Variants in GRXCR1 observed in about 807,000 individuals in gnomAD.
GRXCR1 encodes glutaredoxin domain-containing cysteine-rich protein 1.
Under a neutral mutation model 27.3 loss-of-function variants are expected in GRXCR1, and 27 were observed. The ratio of observed to expected loss-of-function variants is 0.99; its 90% CI spans 0.73 to 1.37. The LOEUF (loss-of-function observed/expected upper bound fraction) is 1.37, where lower values mean the gene tolerates loss of function less well. Ranked by LOEUF, GRXCR1 falls within the 40% of genes most tolerant of loss-of-function variation. GRXCR1 has a pLI of 0.00. For missense variants in GRXCR1, 379 were observed against 354.4 expected, an observed-to-expected ratio of 1.07 and a Z score of -0.56; for synonymous variants, 122 against 131.1, an observed-to-expected ratio of 0.93 and a Z score of 0.47.
chr4:43,020,476 T>G, intron 3 of GRXCR1, 57 bp downstream of exon 3: 1 of 1,083,916 alleles, frequency 9.2e-7, no homozygotes, highest in Non-Finnish European at 1.4e-6. Context: ...CACATTCTGA[T>G]TATAATTGAG....
At chr4:43,007,333 G>A (rs1381186374) in intron 2 of GRXCR1, among the ~76,000 whole-genome samples, 2 of 152,164 alleles carry the variant, frequency 1.3e-5, no homozygotes, top group Non-Finnish European at 2.9e-5. Flanking sequence ...AGACCTTCAT[G>A]AACATCAGAC....
intron 1 of GRXCR1, among the ~76,000 whole-genome samples, chr4:42,932,851 T>C (rs1747362073): frequency 6.6e-6 from 1 of 151,348 alleles, no homozygotes; most frequent in African/African-American, 2.4e-5. Flanking sequence ...TTGGCAGTAG[T>C]TGGGAGAATG....
chr4:42,940,429 C>A (rs1039114991), intron 1 of GRXCR1, among the ~76,000 whole-genome samples: 1 of 152,028 alleles, frequency 6.6e-6, no homozygotes, highest in African/African-American at 2.4e-5. Context: ...GACTAATTTT[C>A]AGTATTGTCT....
chr4:42,998,146 T>G (rs1712235555), intron 2 of GRXCR1, among the ~76,000 whole-genome samples: 1 of 152,158 alleles, frequency 6.6e-6, no homozygotes, highest in African/African-American at 2.4e-5. Context: ...AGCCAACATT[T>G]CACAGCCAGG....
chr4:42,897,921 C>CTATTAT (rs3075913), intron 1 of GRXCR1, among the ~76,000 whole-genome samples: 256 of 127,060 alleles, frequency 2.0e-3, no homozygotes, highest in African/African-American at 5.9e-3. Flanking sequence ...AAAGTTATTA[C>CTATTAT]TATTATTATT....
At chr4:43,016,525 C>G (rs995020981) in intron 2 of GRXCR1, among the ~76,000 whole-genome samples, 6 of 152,050 alleles carry the variant, frequency 3.9e-5, no homozygotes, top group African/African-American at 1.5e-4. Context: ...CCCTTTTGTA[C>G]TATTTTCAAC....
chr4:42,987,215 ATATATAT>A (rs1368046534), intron 2 of GRXCR1, among the ~76,000 whole-genome samples: 4 of 31,286 alleles, frequency 1.3e-4, no homozygotes, highest in African/African-American at 1.7e-4. Flanking sequence ...TATATATTAT[ATATATAT>A]TATATATTAT....
At chr4:42,907,508 A>G (rs1320128841) in intron 1 of GRXCR1, among the ~76,000 whole-genome samples, 4 of 151,998 alleles carry the variant, frequency 2.6e-5, no homozygotes, top group Non-Finnish European at 5.9e-5. Context: ...GTTGCACTGT[A>G]TTTTCAGTCC....
At chr4:42,933,125 G>A (rs1747370043) in intron 1 of GRXCR1, among the ~76,000 whole-genome samples, 1 of 151,894 alleles carries the variant, frequency 6.6e-6, no homozygotes, top group African/African-American at 2.4e-5. Context: ...GGCATGGTGA[G>A]AAATTACTAA....
At position 42,937,131 on chromosome 4, in the gene GRXCR1, A is replaced by G. The variant is rs555967448; in HGVS notation, c.385-25761A>G. Reference sequence around the variant, plus strand: ...TCCTTATTTATTTATTCAATCATTTATGTATATCAGTGTGGACTCATAGGT... The same window carrying G: ...TCCTTATTTATTTATTCAATCATTTGTGTATATCAGTGTGGACTCATAGGT... On this transcript the variant is annotated intron_variant, in intron 1 of 3. Coordinates refer to ENST00000399770, the MANE Select transcript of GRXCR1 (RefSeq NM_001080476.3). Among the ~76,000 whole-genome samples, 237 of 151,994 alleles carry G rather than the reference A, an allele frequency of 1.6e-3. 9 individuals carry two copies. In the South Asian group the frequency reaches 0.047, roughly 30 times the overall value.
rs574548680 is a variant in GRXCR1, at chr4:42,918,588, A to G, written c.384+24938A>G. ...GCTTTGCCTTGAAAGAGCAGATGACAACACCAAGAATATTTATTCTGATAT... is the reference window on the plus strand; with the variant it reads ...GCTTTGCCTTGAAAGAGCAGATGACGACACCAAGAATATTTATTCTGATAT... On this transcript the variant is annotated intron_variant, in intron 1 of 3. Coordinates refer to ENST00000399770, the MANE Select transcript of GRXCR1 (RefSeq NM_001080476.3). Among the ~76,000 whole-genome samples the G allele has an allele frequency of 4.0e-4, 61 of 152,272 alleles. No individual in the cohort carries two copies. In the South Asian group the frequency reaches 0.013, roughly 32 times the overall value.
chr4:42,992,329 C>T lies in GRXCR1; in HGVS notation c.628-28025C>T, dbSNP rs1016579705. ...TCGTAGGAGAAATAGTAATGCTATA[C>T]GTCAAACCTGGGATAATCATTTTGT... On this transcript the variant is annotated intron_variant, in intron 2 of 3. Coordinates refer to ENST00000399770, the MANE Select transcript of GRXCR1 (RefSeq NM_001080476.3). Among the ~76,000 whole-genome samples, 5 of 152,204 alleles carry T rather than the reference C, an allele frequency of 3.3e-5. No individual in the cohort carries two copies. The South Asian group carries it at 6.2e-4, about 19-fold the overall frequency.
rs1451138994 is a variant in GRXCR1 at position 43,000,247 on chromosome 4, A to G, written c.628-20107A>G. Among the ~76,000 whole-genome samples, 5 of 152,226 alleles carry G rather than the reference A, an allele frequency of 3.3e-5. No individual in the cohort carries two copies. In the South Asian group the frequency reaches 1.0e-3, roughly 32 times the overall value. On this transcript the variant is annotated intron_variant, in intron 2 of 3. Transcript: ENST00000399770. ...GTAATCCCAGCACTTTGGGAGGCCG[A>G]GGCAGGTGGATCATGAGGTCAGGAG...
chr4:42,917,566 C>T (rs1236131206), intron 1 of GRXCR1, among the ~76,000 whole-genome samples: 2 of 152,088 alleles, frequency 1.3e-5, no homozygotes, highest in African/African-American at 4.8e-5. Flanking sequence ...ACAAATGGAG[C>T]CACTGACACC....
At chr4:43,029,284 G>C (rs1164103624) in intron 3 of GRXCR1, among the ~76,000 whole-genome samples, 1 of 152,166 alleles carries the variant, frequency 6.6e-6, no homozygotes, top group African/African-American at 2.4e-5. Context: ...TTGGAGAAAA[G>C]CTATATGTAT....
intron 2 of GRXCR1, among the ~76,000 whole-genome samples, chr4:43,005,722 G>A (rs112042953): frequency 0.031 from 4,718 of 152,250 alleles, 81 homozygotes; most frequent in African/African-American, 0.039. Flanking sequence ...TGGGTGAAGG[G>A]CAGGGAGACC....
chr4:43,003,257 A>G (rs1712438242), intron 2 of GRXCR1, among the ~76,000 whole-genome samples: 1 of 152,182 alleles, frequency 6.6e-6, no homozygotes, highest in Non-Finnish European at 1.5e-5. Flanking sequence ...TACGTATGTA[A>G]CAAACCTGCA....
intron 1 of GRXCR1, among the ~76,000 whole-genome samples, chr4:42,900,015 A>C (rs1746427528): frequency 6.6e-6 from 1 of 152,198 alleles, no homozygotes; most frequent in South Asian, 2.1e-4. Flanking sequence ...AATGTTTCTA[A>C]AACTTAAAAA....
chr4:43,009,618 C>A (rs183445828), intron 2 of GRXCR1, among the ~76,000 whole-genome samples: 1 of 152,172 alleles, frequency 6.6e-6, no homozygotes, highest in African/African-American at 2.4e-5. Flanking sequence ...AGTGAGAGCC[C>A]AATTCCTGGT....
Sources: gnomAD v4.1 joint callset for allele counts (sites outside exome capture counted in the v4.1 genomes callset) on GRCh38, gnomAD v4.1.1 for gene constraint, MANE v1.5 for transcripts, NCBI Gene and HGNC (gene_info 2026-07-23, HGNC 2026-07-21) for gene names.